The following OARD1 variants were observed in gnomAD, a reference collection of about 807,000 sequenced individuals.
OARD1 encodes the protein ADP-ribose glycohydrolase OARD1.
In OARD1, 19 loss-of-function variants were observed where a neutral mutation model predicts 19.7. That is an observed-to-expected ratio of 0.96 (90% confidence interval 0.67 to 1.41). OARD1 has a LOEUF of 1.41. Among genes scored for constraint, OARD1 ranks in the 40% most tolerant of loss-of-function variants. The pLI is 0.00. For missense variants in OARD1, 190 were observed against 183.8 expected, an observed-to-expected ratio of 1.03 and a Z score of -0.20; for synonymous variants, 70 against 61.8, an observed-to-expected ratio of 1.13 and a Z score of -0.62.
intron 1 of OARD1, chr6:41,071,987 G>C: frequency 2.9e-6 from 1 of 339,986 alleles, no homozygotes; most frequent in South Asian, 4.3e-5. Context: ...GGCCGATTTA[G>C]GACGGTCTCC....
At chr6:41,071,785 AATGTGAGT>A in intron 1 of OARD1, 110 bp from the exon 2 acceptor site, 3 of 652,244 alleles carry the variant, frequency 4.6e-6, no homozygotes, top group Non-Finnish European at 8.2e-6. Flanking sequence ...TTTATCGATG[AATGTGAGT>A]TTGTTCGGCC....
At chr6:41,076,822 T>C (rs1482040362), upstream of OARD1, among the ~76,000 whole-genome samples, 2 of 152,226 alleles carry the variant, frequency 1.3e-5, no homozygotes, top group Non-Finnish European at 2.9e-5. Flanking sequence ...TAACTGAAGC[T>C]CACAGTAGTA....
chr6:41,073,554 G>A (rs1014113666), upstream of OARD1, among the ~76,000 whole-genome samples: 3 of 151,972 alleles, frequency 2.0e-5, no homozygotes, highest in African/African-American at 7.3e-5. Context: ...AGCCTCCCCG[G>A]GGCCCGCGCC....
intron 1 of OARD1, 38 bp from the exon 2 acceptor site, chr6:41,071,713 G>A: frequency 4.2e-6 from 5 of 1,183,886 alleles, no homozygotes; most frequent in Non-Finnish European, 6.3e-6. Flanking sequence ...TGCTTAGGCA[G>A]CCTTAGTATA....
At chr6:41,080,178 G>C (rs1763867190) in intron 1 of OARD1, among the ~76,000 whole-genome samples, 1 of 152,156 alleles carries the variant, frequency 6.6e-6, no homozygotes, top group Non-Finnish European at 1.5e-5. Context: ...GCTGGGCATG[G>C]TGCTGCATGC....
chr6:41,090,353 T>G, intron 1 of OARD1: 1 of 1,289,680 alleles, frequency 7.8e-7, no homozygotes, highest in South Asian at 1.2e-5. Flanking sequence ...TGGGGCAACT[T>G]TTTTGTCCCT....
chr6:41,077,969 A>AT (rs1763786924), intron 1 of OARD1, among the ~76,000 whole-genome samples: 1 of 151,966 alleles, frequency 6.6e-6, no homozygotes, highest in Non-Finnish European at 1.5e-5. Flanking sequence ...TTTTCCTAAC[A>AT]TTCCAACATT....
Position 41,069,215 on chromosome 6 carries a change from A to G in OARD1, c.244-262T>C, listed in dbSNP as rs79612822. 1,326 of 278,516 alleles carry G rather than the reference A, an allele frequency of 4.8e-3. 39 individuals are homozygous for G. In the South Asian group the frequency reaches 0.06, roughly 13 times the overall value. 17.3% of individuals were successfully genotyped at this position (278,516 alleles called of 1,614,324 possible). On this transcript the variant is annotated intron_variant, in intron 4 of 5. Coordinates refer to ENST00000424266, the MANE Select transcript of OARD1 (RefSeq NM_001329686.2). ...CCTAGGAAACCCATGAGATTAGCAG[A>G]TGATGCCTATTGTCAATATTTTTAA... is the stretch of plus-strand genomic sequence containing the variant.
intron 1 of OARD1, among the ~76,000 whole-genome samples, chr6:41,095,233 C>T (rs1053153949): frequency 1.3e-5 from 2 of 152,198 alleles, no homozygotes; most frequent in Admixed American, 6.5e-5. Flanking sequence ...CCAGCAAAGC[C>T]TTACATGCTC....
chr6:41,086,923 T>C (rs1404715480), intron 1 of OARD1, among the ~76,000 whole-genome samples: 5 of 152,072 alleles, frequency 3.3e-5, no homozygotes, highest in Admixed American at 3.3e-4. Context: ...AAAGAAAATA[T>C]AAGAATTTTT....
rs764684404 is a variant in OARD1 at position 41,089,568 on chromosome 6, C to A, written c.-42+8145G>T. ...TAGAGTACAATCCTTTTTTTATGTT[C>A]TTTTCTGCAGATACAGTTGGTCCCA... On this transcript the variant is annotated intron_variant, in intron 1 of 4. Transcript: ENST00000480585. The A allele has an allele frequency of 4.4e-6, 7 of 1,594,416 alleles. No individual in the cohort carries two copies. The East Asian group carries it at 1.4e-4, about 31-fold the overall frequency.
chr6:41,094,308 A>T, intron 1 of OARD1: 1 of 1,154,164 alleles, frequency 8.7e-7, no homozygotes, highest in Non-Finnish European at 1.3e-6. Context: ...CAGCTGTCTT[A>T]AACTTTGGAG....
chr6:41,093,824 C>T (rs1005647092), intron 1 of OARD1, among the ~76,000 whole-genome samples: 5 of 152,170 alleles, frequency 3.3e-5, no homozygotes, highest in Admixed American at 2.6e-4. Flanking sequence ...TTCCACTAGC[C>T]GGAATTTAGT....
At chr6:41,081,485 G>A (rs531809054) in intron 1 of OARD1, among the ~76,000 whole-genome samples, 9 of 146,722 alleles carry the variant, frequency 6.1e-5, no homozygotes, top group African/African-American at 2.3e-4. Flanking sequence ...GCGAGACTCC[G>A]TCTCAAAAAA....
At chr6:41,088,486 C>T (rs1764109444) in intron 1 of OARD1, among the ~76,000 whole-genome samples, 1 of 151,528 alleles carries the variant, frequency 6.6e-6, no homozygotes, top group Non-Finnish European at 1.5e-5. Context: ...CCTGACACAG[C>T]TGTGTTGGAT....
At chr6:41,095,240 G>A (rs1764316117) in intron 1 of OARD1, among the ~76,000 whole-genome samples, 1 of 152,126 alleles carries the variant, frequency 6.6e-6, no homozygotes, top group East Asian at 1.9e-4. Flanking sequence ...AGCCTTACAT[G>A]CTCCAGCTCC....
At chr6:41,073,301 A>T (rs1763588439), upstream of OARD1, among the ~76,000 whole-genome samples, 1 of 150,832 alleles carries the variant, frequency 6.6e-6, no homozygotes, top group South Asian at 2.1e-4. Flanking sequence ...CCGCGCGGGG[A>T]TGGCGCCTCG....
chr6:41,094,875 ATTCT>A (rs1383629923), intron 1 of OARD1, among the ~76,000 whole-genome samples: 1 of 152,206 alleles, frequency 6.6e-6, no homozygotes, highest in Admixed American at 6.5e-5. Flanking sequence ...ATTACTATTC[ATTCT>A]TTCTTGAAAA....
intron 1 of OARD1, chr6:41,090,460 G>A: frequency 3.6e-6 from 2 of 559,228 alleles, no homozygotes; most frequent in Non-Finnish European, 6.6e-6. Context: ...TCCATTGATT[G>A]TTGGTTTCTT....
Sources: allele counts gnomAD v4.1 joint callset (sites outside exome capture counted in the v4.1 genomes callset), GRCh38; gene constraint gnomAD v4.1.1; transcripts MANE v1.5; gene names NCBI Gene and HGNC (gene_info 2026-07-23, HGNC 2026-07-21).